The following CUL2 variants were observed in gnomAD, a reference collection of about 807,000 sequenced individuals.
The protein encoded by CUL2 is cullin-2.
In CUL2, 22 loss-of-function variants were observed where a neutral mutation model predicts 110.2. The ratio of observed to expected loss-of-function variants is 0.20; its 90% CI spans 0.14 to 0.28. The LOEUF (loss-of-function observed/expected upper bound fraction) is 0.28. Among genes scored for constraint, CUL2 ranks in the 10% least tolerant of loss-of-function variants. The pLI, the probability that CUL2 is intolerant of heterozygous loss-of-function variation, is 1.00. For missense variants in CUL2, 631 were observed against 905.5 expected, an observed-to-expected ratio of 0.70 and a Z score of 3.89; for synonymous variants, 279 against 293.2, an observed-to-expected ratio of 0.95 and a Z score of 0.49.
intron 2 of CUL2, among the ~76,000 whole-genome samples, chr10:35,069,227 A>T (rs1185874361): frequency 6.6e-6 from 1 of 152,006 alleles, no homozygotes; most frequent in Non-Finnish European, 1.5e-5. Context: ...AAAATTCATG[A>T]TCAGGTGAAA....
intron 2 of CUL2, among the ~76,000 whole-genome samples, chr10:35,097,612 C>T (rs981070547): frequency 3.3e-5 from 5 of 151,926 alleles, no homozygotes; most frequent in African/African-American, 4.8e-5. Flanking sequence ...TGGCACTTTA[C>T]CTCTGTGATC....
At chr10:35,033,732 G>T (rs76701277) in intron 10 of CUL2, among the ~76,000 whole-genome samples, 2,023 of 143,014 alleles carry the variant, frequency 0.014, 56 homozygotes, top group African/African-American at 0.051. Flanking sequence ...GTGAGACTCC[G>T]TCTCAGAAAA....
chr10:35,052,692 G>A (rs535750101), intron 5 of CUL2, among the ~76,000 whole-genome samples: 6 of 152,098 alleles, frequency 3.9e-5, no homozygotes, highest in African/African-American at 9.6e-5. Flanking sequence ...TCAGGAGATC[G>A]AGACCATCCT....
intron 1 of CUL2, among the ~76,000 whole-genome samples, chr10:35,072,430 G>A (rs866306989): frequency 4.6e-5 from 7 of 151,484 alleles, no homozygotes; most frequent in Admixed American, 2.0e-4. Flanking sequence ...GTGCAGTGGC[G>A]CAATCTCGGC....
intron 19 of CUL2, among the ~76,000 whole-genome samples, chr10:35,013,267 C>T (rs1206758241): frequency 1.3e-5 from 2 of 150,812 alleles, no homozygotes; most frequent in Non-Finnish European, 2.9e-5. Context: ...ATGGCGTGAA[C>T]CCGGGAGGCA....
chr10:35,066,429 C>G (rs1287046461), intron 2 of CUL2, among the ~76,000 whole-genome samples: 1 of 152,050 alleles, frequency 6.6e-6, no homozygotes, highest in Non-Finnish European at 1.5e-5. Context: ...TCCTGAGTAG[C>G]TGGGATTACA....
intron 3 of CUL2, among the ~76,000 whole-genome samples, chr10:35,062,427 G>A (rs776771792): frequency 1.3e-5 from 2 of 152,158 alleles, no homozygotes; most frequent in African/African-American, 2.4e-5. Flanking sequence ...TCCAGAGGAC[G>A]TAGGAGCACA....
chr10:35,073,665 C>T (rs1279337584), intron 1 of CUL2, among the ~76,000 whole-genome samples: 9 of 149,518 alleles, frequency 6.0e-5, no homozygotes, highest in East Asian at 3.9e-4. Context: ...GGTGCAATGG[C>T]GCAATCTCGG....
At chr10:35,067,967 G>A (rs919961539) in intron 2 of CUL2, among the ~76,000 whole-genome samples, 3 of 151,696 alleles carry the variant, frequency 2.0e-5, no homozygotes, top group Non-Finnish European at 2.9e-5. Context: ...AAAATTAGCC[G>A]GGCATTGTGG....
At chr10:35,051,617 A>G (rs933836479) in intron 5 of CUL2, among the ~76,000 whole-genome samples, 6 of 152,302 alleles carry the variant, frequency 3.9e-5, no homozygotes, top group South Asian at 4.1e-4. Context: ...TCTCAAAACA[A>G]CAACAACAAC....
In CUL2 at chr10:35,035,300, A is replaced by T. The variant is rs2085592679; in HGVS notation, c.878-4T>A. 1 of 1,613,666 alleles carries T rather than the reference A, an allele frequency of 6.2e-7. No homozygotes were observed. The highest frequency in any genetic ancestry group is 1.3e-5 in the African/African-American group (1 of 75,038). On this transcript the variant is annotated splice_polypyrimidine_tract_variant and splice_region_variant and intron_variant, in intron 9 of 20. Transcript: ENST00000374749. ...AAGACGTACATATTTGCCATGTCTG[A>T]GAGGAAAAAGACATCTGAGGGTTAA...
rs1351012426 is a variant in CUL2, at chr10:35,060,934, A to G, written c.257T>C (p.Met86Thr). The G allele has an allele frequency of 1.2e-6, 2 of 1,613,832 alleles. No homozygotes were observed. Among genetic ancestry groups the G allele is most frequent in the Admixed American group, 1.7e-5 (1 of 59,996 alleles). Residue 86 changes from methionine (M) to threonine (T), a missense_variant, in exon 4 of 21, where the codon ATG becomes ACG. By Grantham distance (81) the Met-to-Thr change is moderately conservative. Coordinates refer to ENST00000374749, the MANE Select transcript of CUL2 (RefSeq NM_003591.4). Reference protein sequence around the residue: ...VLESEEQVLVMYHRYWEEYSK... With the variant: ...VLESEEQVLVTYHRYWEEYSK... The stretch of plus-strand genomic sequence containing the variant: ...GTATTCTTCCCAGTACCTATGATAC[A>G]TAACAAGTACTTGTTCTTCTGACTC...
At chr10:35,028,729 G>T in intron 16 of CUL2, 81 bp downstream of exon 16, 2 of 922,500 alleles carry the variant, frequency 2.2e-6, no homozygotes, top group South Asian at 3.2e-5. Flanking sequence ...TTAAGACTCT[G>T]AAAAAATATT....
chr10:35,085,625 T>G (rs910885991), intron 1 of CUL2, among the ~76,000 whole-genome samples: 1 of 140,994 alleles, frequency 7.1e-6, no homozygotes, highest in African/African-American at 2.7e-5. Context: ...GCGCCTGTAG[T>G]CCCAGCTACT....
At chr10:35,112,626 G>A (rs1247347401) in intron 1 of CUL2, among the ~76,000 whole-genome samples, 2 of 152,124 alleles carry the variant, frequency 1.3e-5, no homozygotes, top group Non-Finnish European at 2.9e-5. Flanking sequence ...GTGCATGCAC[G>A]AGAAGAACAT....
chr10:35,109,903 G>C (rs1026500171), intron 1 of CUL2, among the ~76,000 whole-genome samples: 1 of 152,174 alleles, frequency 6.6e-6, no homozygotes. Context: ...GCCAGGCATG[G>C]TGGCTCACAC....
intron 2 of CUL2, among the ~76,000 whole-genome samples, chr10:35,070,864 T>A (rs913440917): frequency 6.6e-6 from 1 of 152,108 alleles, no homozygotes; most frequent in African/African-American, 2.4e-5. Flanking sequence ...TATCACGACC[T>A]CTTCTTGAAA....
At chr10:35,074,235 A>G in intron 1 of CUL2, 1 of 1,534,100 alleles carries the variant, frequency 6.5e-7, no homozygotes. Flanking sequence ...ATAAAGTACA[A>G]AGTTTGTTGT....
rs898184465 is a variant in CUL2 at position 35,008,993 on chromosome 10, C to G, written c.*1318G>C. 3 of 151,640 alleles carry G rather than the reference C, an allele frequency of 2.0e-5. No individual in the cohort carries two copies. Among genetic ancestry groups the G allele is most frequent in the Non-Finnish European group, 4.4e-5 (3 of 67,966 alleles). 9.4% of individuals were successfully genotyped at this position (151,640 alleles called of 1,614,324 possible). ...CTTGTAATCCCAGCACTTTGGGAGA[C>G]AGAGATAGGATTGCTTGAGGCCAGA... On this transcript the variant is annotated 3_prime_UTR_variant, in exon 21 of 21. Transcript: ENST00000374749.
Sources: allele counts gnomAD v4.1 joint callset (sites outside exome capture counted in the v4.1 genomes callset), GRCh38; gene constraint gnomAD v4.1.1; transcripts MANE v1.5; gene names NCBI Gene and HGNC (gene_info 2026-07-23, HGNC 2026-07-21).